EFHD2: variants seen among roughly 807,000 people sequenced by gnomAD.
EFHD2 encodes the protein EF-hand domain-containing protein D2.
EFHD2 carries 12 observed loss-of-function variants against 20.3 expected under a neutral mutation model. That is an observed-to-expected ratio of 0.59 (90% CI 0.38 to 0.96). The LOEUF (loss-of-function observed/expected upper bound fraction) is 0.96, where lower values mean the gene tolerates loss of function less well. Ranked by LOEUF, EFHD2 falls within the 40% of genes least tolerant of loss-of-function variation. The pLI is 0.00. For synonymous variants in EFHD2, 131 were observed against 143.9 expected (o/e 0.91, Z 0.64); for missense variants, 250 against 334.3 (o/e 0.75, Z 1.97).
chr1:15,423,895 A>T (rs1310040090), intron 1 of EFHD2, among the ~76,000 whole-genome samples: 1 of 152,172 alleles, frequency 6.6e-6, no homozygotes, highest in Non-Finnish European at 1.5e-5. Flanking sequence ...TTAGGTGCAG[A>T]AAAACCCATT....
intron 1 of EFHD2, among the ~76,000 whole-genome samples, chr1:15,425,536 A>T (rs1016232035): frequency 4.0e-5 from 6 of 151,416 alleles, no homozygotes; most frequent in Non-Finnish European, 5.9e-5. Context: ...AAAAAAAAAA[A>T]CCCAGAGAAT....
rs557732002 is a variant in EFHD2 at position 15,418,642 on chromosome 1, C to CCG, written c.309-7228_309-7227insGC. ...TAGTTCCAAAGCCAAGATAGGCCCC[C>CCG]CCTTAAGTAAGCAATGAGCTTCCTG... is the stretch of plus-strand genomic sequence containing the variant. On this transcript the variant is annotated intron_variant, in intron 1 of 3. Transcript: ENST00000375980. 1.1e-4 allele frequency among the ~76,000 whole-genome samples: 16 copies of CCG among 152,272 alleles called. No individual in the cohort carries two copies. The East Asian group carries it at 2.9e-3, about 28-fold the overall frequency.
At position 15,426,023 on chromosome 1, in the gene EFHD2, G is replaced by A; in HGVS notation, c.456+5G>A. On this transcript the variant is annotated splice_donor_5th_base_variant and intron_variant, in intron 2 of 3. Coordinates refer to ENST00000375980, the MANE Select transcript of EFHD2 (RefSeq NM_024329.6). The surrounding 1 kb of genome is among the most constrained non-coding windows in gnomAD (Gnocchi z 4.6). Reference sequence around the variant, plus strand: ...AGCAAGCTGAGCTTCCGGGAGGTAAGCCCGGCCCCCAGCCCCACTCCCCTA... The same window carrying A: ...AGCAAGCTGAGCTTCCGGGAGGTAAACCCGGCCCCCAGCCCCACTCCCCTA... The A allele has an allele frequency of 6.4e-7, 1 of 1,569,444 alleles. No individual in the cohort carries two copies. Among genetic ancestry groups the A allele is most frequent in the Non-Finnish European group, 8.6e-7 (1 of 1,160,482 alleles).
intron 1 of EFHD2, among the ~76,000 whole-genome samples, chr1:15,422,298 G>A (rs1433174971): frequency 2.6e-5 from 4 of 151,362 alleles, no homozygotes; most frequent in Admixed American, 2.6e-4. Flanking sequence ...TCACCATGTT[G>A]GCCAGGATGG....
intron 1 of EFHD2, among the ~76,000 whole-genome samples, chr1:15,417,349 A>G (rs908535611): frequency 4.6e-5 from 7 of 152,252 alleles, no homozygotes; most frequent in African/African-American, 1.7e-4. Context: ...AATATTCTTT[A>G]TAATCACTAT....
intron 3 of EFHD2, chr1:15,427,747 T>A: frequency 2.7e-6 from 1 of 369,354 alleles, no homozygotes. Flanking sequence ...GAGACACCTG[T>A]GATCTAGTGG....
intron 3 of EFHD2, chr1:15,428,010 G>T (rs1010157984): frequency 2.1e-6 from 1 of 470,784 alleles, no homozygotes; most frequent in East Asian, 6.9e-5. Context: ...CAGAATATAG[G>T]TTCTCTATTT....
At chr1:15,418,007 T>C (rs1432395762) in intron 1 of EFHD2, among the ~76,000 whole-genome samples, 1 of 126,974 alleles carries the variant, frequency 7.9e-6, no homozygotes, top group Admixed American at 7.5e-5. Flanking sequence ...TTTTTTTTTT[T>C]GAGACAGAGT....
At chr1:15,415,016 G>A (rs1048913134) in intron 1 of EFHD2, among the ~76,000 whole-genome samples, 1 of 152,136 alleles carries the variant, frequency 6.6e-6, no homozygotes, top group Non-Finnish European at 1.5e-5. Flanking sequence ...TGAGGATTAG[G>A]TATAAAAACA....
Position 15,428,941 on chromosome 1 carries a change from TCCCTG to T in EFHD2, c.*221_*225del. 1.5e-6 allele frequency: 1 copy of T among 648,536 alleles called. No individual in the cohort carries two copies. Among genetic ancestry groups the T allele is most frequent in the Admixed American group, 3.1e-5 (1 of 32,008 alleles). 40.2% of individuals were successfully genotyped at this position (648,536 alleles called of 1,614,324 possible). ...ACGAGGCCGCCACACCGGCGCTGGC[TCCCTG>T]CCCGGCCCGGCCCTCCCTGGCAATC... On this transcript the variant is annotated 3_prime_UTR_variant, in exon 4 of 4. Transcript: ENST00000375980.
chr1:15,427,431 A>G, intron 3 of EFHD2, 147 bp downstream of exon 3: 1 of 1,413,860 alleles, frequency 7.1e-7, no homozygotes, highest in South Asian at 1.5e-5. Context: ...CCAGGCCCAC[A>G]CGCTCTGTCT....
At chr1:15,424,798 C>G (rs1323917209) in intron 1 of EFHD2, among the ~76,000 whole-genome samples, 1 of 152,184 alleles carries the variant, frequency 6.6e-6, no homozygotes, top group Admixed American at 6.5e-5. Flanking sequence ...CTAGGGCAAG[C>G]TGGGGGGCAT....
chr1:15,424,587 T>G (rs979602309), intron 1 of EFHD2, among the ~76,000 whole-genome samples: 2 of 152,172 alleles, frequency 1.3e-5, no homozygotes, highest in Admixed American at 6.5e-5. Context: ...CGCCACTCCC[T>G]GCAGGCACTG....
chr1:15,411,389 A>G (rs1214097260), intron 1 of EFHD2, among the ~76,000 whole-genome samples: 1 of 151,972 alleles, frequency 6.6e-6, no homozygotes, highest in African/African-American at 2.4e-5. Context: ...TCCCCCCACA[A>G]AAACAATCTT....
Position 15,429,088 on chromosome 1 carries a change from C to A in EFHD2, c.*364C>A, listed in dbSNP as rs879257730. ...TGCCTGCCGCCTGCCCTCCACACAT[C>A]CCTGTCCCCCCAACCCGGGAACCCC... is the stretch of plus-strand genomic sequence containing the variant. On this transcript the variant is annotated 3_prime_UTR_variant, in exon 4 of 4. Transcript: ENST00000375980. 1 of 250,752 alleles carries A rather than the reference C, an allele frequency of 4.0e-6. No individual in the cohort carries two copies. Among genetic ancestry groups the A allele is most frequent in the Admixed American group, 5.0e-5 (1 of 20,168 alleles). The allele number at this position is 250,752 out of a possible 1,614,324, so 15.5% of individuals were successfully genotyped here.
At position 15,413,418 on chromosome 1, in the gene EFHD2, T is replaced by C. The variant is rs965283623; in HGVS notation, c.308+3139T>C. Among the ~76,000 whole-genome samples the C allele has an allele frequency of 1.3e-5, 2 of 152,158 alleles. No homozygotes were observed. Among genetic ancestry groups the C allele is most frequent in the African/African-American group, 4.8e-5 (2 of 41,436 alleles). On this transcript the variant is annotated intron_variant, in intron 1 of 3. Transcript: ENST00000375980. The surrounding 1 kb of genome is among the most constrained non-coding windows in gnomAD (Gnocchi z 4.4). ...TATCCCTCATGACCCCCAAAGGTCCTTCAGCCCTGACCTGCGTATGTCTGA... is the reference window on the plus strand; with the variant it reads ...TATCCCTCATGACCCCCAAAGGTCCCTCAGCCCTGACCTGCGTATGTCTGA...
intron 1 of EFHD2, 64 bp from the exon 2 acceptor site, chr1:15,425,807 A>T (rs1570771238): frequency 6.4e-7 from 1 of 1,570,448 alleles, no homozygotes; most frequent in African/African-American, 1.4e-5. Context: ...GTCTCCTTGC[A>T]CTCAAGCCTG....
chr1:15,411,150 G>A (rs1707497362), intron 1 of EFHD2, among the ~76,000 whole-genome samples: 2 of 101,300 alleles, frequency 2.0e-5, no homozygotes, highest in East Asian at 3.1e-4. Flanking sequence ...TGCAGTCACC[G>A]CTCCCCTGCT....
At chr1:15,416,448 G>C (rs1355173378) in intron 1 of EFHD2, among the ~76,000 whole-genome samples, 1 of 152,212 alleles carries the variant, frequency 6.6e-6, no homozygotes, top group African/African-American at 2.4e-5. Flanking sequence ...GCTTTTCAAG[G>C]ACAACAGAGA....
Sources: allele counts gnomAD v4.1 joint callset (sites outside exome capture counted in the v4.1 genomes callset), GRCh38; gene constraint gnomAD v4.1.1; non-coding constraint Gnocchi (gnomAD v3.1); transcripts MANE v1.5; gene names NCBI Gene and HGNC (gene_info 2026-07-23, HGNC 2026-07-21).